The following CFAP221 variants were observed in gnomAD, a reference collection of about 807,000 sequenced individuals.
The protein encoded by CFAP221 is cilia and flagella associated protein 221, also known as cilia- and flagella-associated protein 221.
Under a neutral mutation model 113.1 loss-of-function variants are expected in CFAP221, and 97 were observed. The observed-to-expected ratio is 0.86, with a 90% CI of 0.73 to 1.02. The LOEUF is 1.02. Among genes scored for constraint, CFAP221 ranks in the 50% least tolerant of loss-of-function variants. The probability of loss-of-function intolerance (pLI) is 0.00; values close to 1 mark genes in which losing one functional copy is unlikely to be tolerated. For missense variants in CFAP221, 1,025 were observed against 1,013.4 expected, an observed-to-expected ratio of 1.01 and a Z score of -0.16; for synonymous variants, 331 against 354.4, an observed-to-expected ratio of 0.93 and a Z score of 0.74.
At chr2:119,577,945 C>T (rs755861383) in intron 6 of CFAP221, among the ~76,000 whole-genome samples, 5 of 152,168 alleles carry the variant, frequency 3.3e-5, no homozygotes, top group Admixed American at 1.3e-4. Context: ...TTGGGCATGG[C>T]CTGATGGGGA....
At chr2:119,566,724 C>A (rs925938950) in intron 6 of CFAP221, among the ~76,000 whole-genome samples, 10 of 152,204 alleles carry the variant, frequency 6.6e-5, no homozygotes. Context: ...CTGGTCTTTC[C>A]TACCCGCACA....
rs756196540 is a variant in CFAP221, at chr2:119,630,617, C to T, written c.1779C>T (p.His593=). Residue 593 remains histidine (H), a synonymous_variant, in exon 18 of 24, where the codon CAC becomes CAT. Transcript: ENST00000413369. The stretch of plus-strand genomic sequence containing the variant: ...AGAGATATCAGCCATTCTCTGTCCA[C>T]AAGTCTTCAACAAGTTACAGACCTC... ...KIKRYQPFSV[H]KSSTSYRPQK... is the part of the protein sequence containing the mutation. The T allele has an allele frequency of 6.2e-7, 1 of 1,614,034 alleles. No individual in the cohort carries two copies. The highest frequency in any genetic ancestry group is 8.5e-7 in the Non-Finnish European group (1 of 1,179,850).
chr2:119,579,907 CT>C (rs1682722856), intron 6 of CFAP221, among the ~76,000 whole-genome samples: 1 of 152,192 alleles, frequency 6.6e-6, no homozygotes, highest in Admixed American at 6.5e-5. Context: ...GAGCAGACTC[CT>C]GGGTTACTGA....
chr2:119,585,105 A>C (rs537056628), intron 6 of CFAP221, among the ~76,000 whole-genome samples: 9 of 152,372 alleles, frequency 5.9e-5, no homozygotes, highest in South Asian at 4.1e-4. Flanking sequence ...TTCACTCGTT[A>C]AAATGAATGC....
At chr2:119,611,340 G>A (rs1015189554) in intron 12 of CFAP221, among the ~76,000 whole-genome samples, 2 of 150,152 alleles carry the variant, frequency 1.3e-5, no homozygotes, top group Non-Finnish European at 3.0e-5. Context: ...GGAGAATGGC[G>A]TGAACCCGGG....
At chr2:119,574,445 G>A (rs549187309) in intron 6 of CFAP221, among the ~76,000 whole-genome samples, 10 of 152,144 alleles carry the variant, frequency 6.6e-5, no homozygotes, top group Non-Finnish European at 1.2e-4. Context: ...GAATTCCCAC[G>A]AATATTTAAG....
intron 7 of CFAP221, among the ~76,000 whole-genome samples, chr2:119,594,957 C>T (rs1683856810): frequency 6.6e-6 from 1 of 152,186 alleles, no homozygotes; most frequent in Non-Finnish European, 1.5e-5. Context: ...GTATTCAAGC[C>T]CTCTGAGAGA....
At chr2:119,560,767 C>T (rs527620559) in intron 5 of CFAP221, among the ~76,000 whole-genome samples, 2 of 152,062 alleles carry the variant, frequency 1.3e-5, no homozygotes, top group East Asian at 1.9e-4. Context: ...GGTGACTTGC[C>T]GTGAAAGCAT....
At chr2:119,595,270 T>G (rs929953123) in intron 7 of CFAP221, among the ~76,000 whole-genome samples, 2 of 152,232 alleles carry the variant, frequency 1.3e-5, no homozygotes, top group Non-Finnish European at 2.9e-5. Flanking sequence ...GTTAGAGACT[T>G]TTCCAGGGCT....
intron 2 of CFAP221, among the ~76,000 whole-genome samples, chr2:119,546,910 A>G (rs1041692711): frequency 2.0e-5 from 3 of 152,176 alleles, no homozygotes; most frequent in African/African-American, 4.8e-5. Flanking sequence ...TTCCCATTCA[A>G]TCCACACAAC....
intron 23 of CFAP221, among the ~76,000 whole-genome samples, chr2:119,654,851 A>ATAG (rs1487606046): frequency 1.3e-5 from 2 of 152,196 alleles, no homozygotes; most frequent in Admixed American, 1.3e-4. Context: ...TATTGGCTGC[A>ATAG]TAGTATTTCA....
intron 21 of CFAP221, among the ~76,000 whole-genome samples, chr2:119,644,936 C>T (rs550089153): frequency 6.6e-6 from 1 of 152,162 alleles, no homozygotes; most frequent in Admixed American, 6.5e-5. Flanking sequence ...TTCAGAATTG[C>T]TTGATCCATA....
chr2:119,641,174 C>T (rs1419056538), intron 21 of CFAP221, among the ~76,000 whole-genome samples: 2 of 152,116 alleles, frequency 1.3e-5, no homozygotes, highest in African/African-American at 4.8e-5. Flanking sequence ...TGCAGCTGTA[C>T]GTCATCTACG....
At chr2:119,620,949 G>T (rs976702021) in intron 14 of CFAP221, among the ~76,000 whole-genome samples, 2 of 151,708 alleles carry the variant, frequency 1.3e-5, no homozygotes, top group African/African-American at 4.8e-5. Context: ...GGTTGGCTGG[G>T]CATGGTGGCT....
chr2:119,630,909 A>C lies in CFAP221; in HGVS notation c.1974+8A>C, dbSNP rs770687708. 123 of 1,610,760 alleles carry C rather than the reference A, an allele frequency of 7.6e-5. No individual in the cohort carries two copies. Among genetic ancestry groups the C allele is most frequent in the Non-Finnish European group, 1.0e-4 (120 of 1,177,212 alleles). On this transcript the variant is annotated splice_region_variant and intron_variant, in intron 19 of 23. Coordinates refer to ENST00000413369, the MANE Select transcript of CFAP221 (RefSeq NM_001271049.2). Reference sequence around the variant, plus strand: ...GATCCTCTGTATGTTTTTGTAAGTGACAACTGGCAGAAGCCTTGTTTTCTG... The same window carrying C: ...GATCCTCTGTATGTTTTTGTAAGTGCCAACTGGCAGAAGCCTTGTTTTCTG...
At position 119,601,242 on chromosome 2, in the gene CFAP221, T is replaced by C. The variant is rs977994368; in HGVS notation, c.656T>C (p.Met219Thr). 2.9e-5 allele frequency: 44 copies of C among 1,529,538 alleles called. No individual in the cohort carries two copies. The Admixed American group carries it at 5.7e-4, about 20-fold the overall frequency. 94.7% of individuals were successfully genotyped at this position (1,529,538 alleles called of 1,614,324 possible). Residue 219 changes from methionine to threonine, a missense_variant, in exon 8 of 24, where the codon ATG becomes ACG. Coordinates refer to ENST00000413369, the MANE Select transcript of CFAP221 (RefSeq NM_001271049.2). ...TSGIIPANGK[M>T]TVTIKFTPFQ... ...GGAATAATTCCGGCTAATGGGAAGA[T>C]GACTGTGACTATTAAGTTTACACCC...
intron 21 of CFAP221, among the ~76,000 whole-genome samples, chr2:119,646,152 G>A (rs1166888071): frequency 6.6e-6 from 1 of 152,174 alleles, no homozygotes; most frequent in African/African-American, 2.4e-5. Flanking sequence ...AGGTGGGGAG[G>A]AAGATATGAA....
At chr2:119,615,493 C>T in intron 13 of CFAP221, 118 bp from the exon 14 acceptor site, 1 of 739,690 alleles carries the variant, frequency 1.4e-6, no homozygotes, top group South Asian at 2.0e-5. Flanking sequence ...GCTCACTAAG[C>T]AATACAACAA....
intron 2 of CFAP221, among the ~76,000 whole-genome samples, chr2:119,547,362 C>A (rs1680121413): frequency 6.6e-6 from 1 of 152,058 alleles, no homozygotes; most frequent in Non-Finnish European, 1.5e-5. Flanking sequence ...GAGTTTGAGA[C>A]CAGCCTGAAC....
Sources: allele counts gnomAD v4.1 joint callset (sites outside exome capture counted in the v4.1 genomes callset), GRCh38; gene constraint gnomAD v4.1.1; transcripts MANE v1.5; gene names NCBI Gene and HGNC (gene_info 2026-07-23, HGNC 2026-07-21).